The following BICD1 variants were observed in gnomAD, a reference collection of about 807,000 sequenced individuals.
The protein encoded by BICD1 is BICD cargo adaptor 1, also known as protein bicaudal D homolog 1.
Under a neutral mutation model 92.5 loss-of-function variants are expected in BICD1, and 35 were observed. The ratio of observed to expected loss-of-function variants is 0.38; its 90% CI spans 0.29 to 0.50. The LOEUF is 0.50. BICD1 is among the 20% of genes least tolerant of loss of function. The probability of loss-of-function intolerance (pLI) is 0.93; values close to 1 mark genes in which losing one functional copy is unlikely to be tolerated. For synonymous variants in BICD1, 429 were observed against 465.1 expected, an observed-to-expected ratio of 0.92 and a Z score of 1.00; for missense variants, 950 against 1,189.8, an observed-to-expected ratio of 0.80 and a Z score of 2.97.
chr12:32,267,158 T>G (rs1042532213), intron 2 of BICD1, among the ~76,000 whole-genome samples: 1 of 152,210 alleles, frequency 6.6e-6, no homozygotes, highest in African/African-American at 2.4e-5. Context: ...AATCGAAAGA[T>G]CACACACCTG....
chr12:32,185,323 A>G (rs1214734529), intron 1 of BICD1, among the ~76,000 whole-genome samples: 1 of 152,240 alleles, frequency 6.6e-6, no homozygotes, highest in Non-Finnish European at 1.5e-5. Context: ...TGGTTTTGAA[A>G]TTATTACATT....
At chr12:32,118,555 G>C (rs938330213) in intron 1 of BICD1, among the ~76,000 whole-genome samples, 1 of 152,180 alleles carries the variant, frequency 6.6e-6, no homozygotes, top group Non-Finnish European at 1.5e-5. Flanking sequence ...CAGCATAACA[G>C]CTATTTACAT....
chr12:32,305,061 T>C (rs1459493260), intron 3 of BICD1, among the ~76,000 whole-genome samples: 1 of 152,114 alleles, frequency 6.6e-6, no homozygotes, highest in Non-Finnish European at 1.5e-5. Context: ...AAAAGCAATG[T>C]AGGTATTTTT....
intron 1 of BICD1, among the ~76,000 whole-genome samples, chr12:32,188,051 A>T (rs905725653): frequency 6.6e-6 from 1 of 151,376 alleles, no homozygotes; most frequent in Admixed American, 6.6e-5. Flanking sequence ...CAATTCTCCC[A>T]CCTCAGCCTC....
At chr12:32,357,782 A>G (rs1050679641) in intron 8 of BICD1, among the ~76,000 whole-genome samples, 3 of 152,168 alleles carry the variant, frequency 2.0e-5, no homozygotes, top group African/African-American at 2.4e-5. Context: ...AAGGACACCA[A>G]TCAGATTGGA....
chr12:32,212,892 T>C (rs903810748), intron 1 of BICD1, among the ~76,000 whole-genome samples: 1 of 152,214 alleles, frequency 6.6e-6, no homozygotes, highest in African/African-American at 2.4e-5. Context: ...AGGCAGAGAC[T>C]ACATTTATTT....
intron 2 of BICD1, among the ~76,000 whole-genome samples, chr12:32,250,492 G>A (rs1946497354): frequency 6.6e-6 from 1 of 152,206 alleles, no homozygotes; most frequent in South Asian, 2.1e-4. Flanking sequence ...TTATCATCCA[G>A]TTAATTGAAA....
At chr12:32,365,019 C>T (rs570072724) in intron 8 of BICD1, among the ~76,000 whole-genome samples, 6 of 152,150 alleles carry the variant, frequency 3.9e-5, no homozygotes, top group African/African-American at 7.2e-5. Flanking sequence ...GTGGATCACC[C>T]GAAGTCAGGA....
chr12:32,184,337 A>C (rs915885000), intron 1 of BICD1, among the ~76,000 whole-genome samples: 2 of 152,126 alleles, frequency 1.3e-5, no homozygotes, highest in African/African-American at 4.8e-5. Flanking sequence ...GCCAGGCTGG[A>C]GTGCAGTGGC....
chr12:32,226,510 A>T (rs1199841464), intron 2 of BICD1, among the ~76,000 whole-genome samples: 2 of 152,250 alleles, frequency 1.3e-5, no homozygotes, highest in East Asian at 3.9e-4. Flanking sequence ...CCATCTCCTC[A>T]CTTCACACTT....
chr12:32,333,253 G>A (rs1937958158), intron 5 of BICD1: 1 of 985,194 alleles, frequency 1.0e-6, no homozygotes, highest in Non-Finnish European at 1.2e-6. Flanking sequence ...TTTCTGCCTT[G>A]TGGATAATTT....
At chr12:32,359,281 T>C (rs985799419) in intron 8 of BICD1, among the ~76,000 whole-genome samples, 1 of 152,238 alleles carries the variant, frequency 6.6e-6, no homozygotes, top group Admixed American at 6.5e-5. Context: ...TAGTCCATTT[T>C]CTGTTCCTTA....
At chr12:32,215,735 G>C (rs1240908142) in intron 1 of BICD1, among the ~76,000 whole-genome samples, 1 of 151,884 alleles carries the variant, frequency 6.6e-6, no homozygotes, top group East Asian at 1.9e-4. Context: ...GGATCACAAG[G>C]TCAGGGGATC....
chr12:32,112,001 CTTTTTTTTTTT>C (rs35592483), intron 1 of BICD1, among the ~76,000 whole-genome samples: 2 of 97,088 alleles, frequency 2.1e-5, no homozygotes, highest in African/African-American at 4.2e-5. Context: ...TGCACTATCC[CTTTTTTTTTTT>C]TTTTTTTTTT....
chr12:32,330,431 G>C (rs113412413), intron 5 of BICD1, among the ~76,000 whole-genome samples: 1 of 130,102 alleles, frequency 7.7e-6, no homozygotes, highest in Non-Finnish European at 1.6e-5. Context: ...TTGTGGGGTG[G>C]GGGGAGGGGA....
At chr12:32,185,535 GA>G (rs1410965949) in intron 1 of BICD1, among the ~76,000 whole-genome samples, 34 of 152,304 alleles carry the variant, frequency 2.2e-4, no homozygotes, top group African/African-American at 8.2e-4. Flanking sequence ...TCAGTAGACA[GA>G]AAAAGAACGC....
At chr12:32,375,849 A>G (rs1227183341) in intron 9 of BICD1, among the ~76,000 whole-genome samples, 1 of 152,156 alleles carries the variant, frequency 6.6e-6, no homozygotes, top group Non-Finnish European at 1.5e-5. Context: ...TAATGACTCC[A>G]TTACATTTTA....
At chr12:32,184,332 G>A (rs1037509018) in intron 1 of BICD1, among the ~76,000 whole-genome samples, 9 of 152,154 alleles carry the variant, frequency 5.9e-5, no homozygotes, top group Admixed American at 3.9e-4. Context: ...CTGTCGCCAG[G>A]CTGGAGTGCA....
At chr12:32,143,612 T>C (rs564240431) in intron 1 of BICD1, among the ~76,000 whole-genome samples, 4 of 152,316 alleles carry the variant, frequency 2.6e-5, no homozygotes, top group Admixed American at 2.6e-4. Flanking sequence ...TGGGCTATTA[T>C]GAATAGTGCT....
Sources: allele counts gnomAD v4.1 joint callset (sites outside exome capture counted in the v4.1 genomes callset), GRCh38; gene constraint gnomAD v4.1.1; transcripts MANE v1.5; gene names NCBI Gene and HGNC (gene_info 2026-07-23, HGNC 2026-07-21).